RFC1: variants seen among roughly 807,000 people sequenced by gnomAD.
RFC1 encodes replication factor C subunit 1.
RFC1 carries 37 observed loss-of-function variants against 137.4 expected under a neutral mutation model. The observed-to-expected ratio is 0.27, with a 90% CI of 0.21 to 0.35. RFC1 has a LOEUF of 0.35. RFC1 is among the 10% of genes least tolerant of loss of function. RFC1 has a pLI of 1.00. For missense variants in RFC1, 1,205 were observed against 1,358.5 expected (o/e 0.89, Z 1.78); for synonymous variants, 429 against 455.7 (o/e 0.94, Z 0.75).
rs546282665 is a variant in RFC1, at chr4:39,306,215, A to G, written c.1995+377T>C. Among the ~76,000 whole-genome samples the G allele has an allele frequency of 5.3e-5, 8 of 152,306 alleles. No homozygotes were observed. The East Asian group carries it at 1.3e-3, about 26-fold the overall frequency. On this transcript the variant is annotated intron_variant, in intron 14 of 24. Transcript: ENST00000349703. Reference sequence around the variant, plus strand: ...CTCCTCCCTAAGCCTATTTCATTTGACACATGTGGATGATGACAGTACAGA... The same window carrying G: ...CTCCTCCCTAAGCCTATTTCATTTGGCACATGTGGATGATGACAGTACAGA...
chr4:39,360,115 C>T lies in RFC1; in HGVS notation c.3+6124G>A, dbSNP rs1429800216. 2.6e-5 allele frequency among the ~76,000 whole-genome samples: 4 copies of T among 152,294 alleles called. No individual in the cohort carries two copies. The East Asian group carries it at 7.7e-4, about 29-fold the overall frequency. ...GGTGCAGTGGCTGACACCTTAACTG[C>T]AGCACTTTGGGAGGCCAAGGTGAGT... On this transcript the variant is annotated intron_variant, in intron 1 of 24. Transcript: ENST00000349703.
chr4:39,295,651 G>A lies in RFC1; in HGVS notation c.2917C>T (p.Arg973Cys), dbSNP rs867900340. The A allele has an allele frequency of 6.2e-7, 1 of 1,613,144 alleles. No homozygotes were observed. Among genetic ancestry groups the A allele is most frequent in the Non-Finnish European group, 8.5e-7 (1 of 1,179,554 alleles). The change falls in exon 22 of 25, where the codon CGT becomes TGT. Residue 973 changes from arginine to cysteine, a missense_variant. Physicochemically the swap from Arg to Cys is radical, Grantham distance 180 (BLOSUM62 -3). Transcript: ENST00000349703. The stretch of plus-strand genomic sequence containing the variant: ...TGCAAGGCCAGGTCCTGAACAATAC[G>A]ATCATGTTTGCCTGTAGACGAGTGC... Reference protein sequence around the residue: ...GKHSSTGKHDRIVQDLALHMS... With the variant: ...GKHSSTGKHDCIVQDLALHMS...
chr4:39,320,298 G>A (rs1158718382), intron 9 of RFC1, 85 bp downstream of exon 9: 115 of 1,252,524 alleles, frequency 9.2e-5, no homozygotes, highest in Admixed American at 1.4e-4. Flanking sequence ...GCAGTGAGCC[G>A]AGATTGTGCC....
chr4:39,351,008 T>C (rs1165028317), intron 2 of RFC1, among the ~76,000 whole-genome samples: 3 of 152,066 alleles, frequency 2.0e-5, no homozygotes, highest in South Asian at 4.2e-4. Flanking sequence ...CTCAGCACTT[T>C]GGGAGGCCAA....
intron 12 of RFC1, among the ~76,000 whole-genome samples, chr4:39,311,055 C>T (rs1738938331): frequency 6.6e-6 from 1 of 151,946 alleles, no homozygotes; most frequent in African/African-American, 2.4e-5. Flanking sequence ...GCAGGAGAAT[C>T]GCTTGAACCC....
intron 23 of RFC1, 38 bp from the exon 24 acceptor site, chr4:39,290,077 A>G: frequency 6.9e-7 from 1 of 1,456,386 alleles, no homozygotes; most frequent in Non-Finnish European, 9.5e-7. Context: ...TAAAAATCTA[A>G]GTCCCAAACA....
At chr4:39,360,616 T>G (rs1472464568) in intron 1 of RFC1, among the ~76,000 whole-genome samples, 1 of 152,002 alleles carries the variant, frequency 6.6e-6, no homozygotes, top group Non-Finnish European at 1.5e-5. Context: ...GCACCTGCAG[T>G]CCCAGCTACT....
intron 20 of RFC1, 23 bp downstream of exon 20, chr4:39,300,236 CT>C (rs1738276507): frequency 1.2e-6 from 2 of 1,613,846 alleles, no homozygotes; most frequent in Non-Finnish European, 1.7e-6. Flanking sequence ...CTAAGCACAC[CT>C]CTCACCAGCT....
At position 39,342,568 on chromosome 4, in the gene RFC1, T is replaced by C. The variant is rs994785876; in HGVS notation, c.209-101A>G. ...GTGAACCAATTCCTCAAGGTCTTTT[T>C]CAAGGCACATGTCTTCTGTGAATTC... On this transcript the variant is annotated intron_variant, in intron 3 of 24. Coordinates refer to ENST00000349703, the MANE Select transcript of RFC1 (RefSeq NM_002913.5). The C allele has an allele frequency of 7.9e-6, 9 of 1,133,614 alleles. No individual in the cohort carries two copies. In the African/African-American group the frequency reaches 1.2e-4, roughly 16 times the overall value. The allele number at this position is 1,133,614 out of a possible 1,614,324, so 70.2% of individuals were successfully genotyped here.
chr4:39,342,530 T>C lies in RFC1; in HGVS notation c.209-63A>G. ...GAACTATTATAATATAGTGCATGTTTAAAGTAGTCACGGTGAACCAATTCC... is the reference window on the plus strand; with the variant it reads ...GAACTATTATAATATAGTGCATGTTCAAAGTAGTCACGGTGAACCAATTCC... On this transcript the variant is annotated intron_variant, in intron 3 of 24. Coordinates refer to ENST00000349703, the MANE Select transcript of RFC1 (RefSeq NM_002913.5). 8 of 1,525,782 alleles carry C rather than the reference T, an allele frequency of 5.2e-6. No individual in the cohort carries two copies. In the South Asian group the frequency reaches 9.3e-5, roughly 18 times the overall value. 94.5% of individuals were successfully genotyped at this position (1,525,782 alleles called of 1,614,324 possible).
At chr4:39,296,800 T>C (rs1738035381) in intron 21 of RFC1, among the ~76,000 whole-genome samples, 1 of 149,144 alleles carries the variant, frequency 6.7e-6, no homozygotes. Flanking sequence ...ATGGTATTTC[T>C]AGTTCTAGAT....
At chr4:39,358,522 C>T (rs978746198) in intron 1 of RFC1, among the ~76,000 whole-genome samples, 13 of 152,140 alleles carry the variant, frequency 8.5e-5, no homozygotes, top group African/African-American at 2.4e-4. Context: ...CCGTGAGCCA[C>T]GCGCTATATG....
At chr4:39,344,244 T>C (rs1578158585) in intron 3 of RFC1, among the ~76,000 whole-genome samples, 1 of 152,140 alleles carries the variant, frequency 6.6e-6, no homozygotes, top group African/African-American at 2.4e-5. Flanking sequence ...TTGTGCATCA[T>C]AAAAGGCATG....
intron 14 of RFC1, 116 bp downstream of exon 14, chr4:39,306,476 T>G (rs1560595771): frequency 1.8e-6 from 1 of 562,672 alleles, no homozygotes. Flanking sequence ...AAACACAGTT[T>G]ATATATAGAC....
intron 1 of RFC1, among the ~76,000 whole-genome samples, chr4:39,357,177 ACT>A (rs1474260993): frequency 2.6e-5 from 4 of 152,216 alleles, no homozygotes; most frequent in Non-Finnish European, 5.9e-5. Flanking sequence ...AATAAAGCAC[ACT>A]GAGGGAACAG....
rs1452386091 is a variant in RFC1, at chr4:39,291,911, T to C, written c.2955-59A>G. 2.7e-5 allele frequency: 33 copies of C among 1,205,006 alleles called. No individual in the cohort carries two copies. In the East Asian group the frequency reaches 7.5e-4, roughly 27 times the overall value. 74.6% of individuals were successfully genotyped at this position (1,205,006 alleles called of 1,614,324 possible). ...CAAAGTATCAACTCAAGTCATACTG[T>C]GCATAACAGCACTGAGTTAATCAGG... On this transcript the variant is annotated intron_variant, in intron 22 of 24. Transcript: ENST00000349703.
chr4:39,307,142 T>C (rs7686272), intron 13 of RFC1, among the ~76,000 whole-genome samples: 6 of 152,082 alleles, frequency 3.9e-5, no homozygotes, highest in Non-Finnish European at 7.4e-5. Flanking sequence ...GCTAAGGATG[T>C]TGTGAGGACG....
At chr4:39,323,822 A>C (rs1578138425) in intron 6 of RFC1, among the ~76,000 whole-genome samples, 1 of 152,330 alleles carries the variant, frequency 6.6e-6, no homozygotes, top group Admixed American at 6.5e-5. Context: ...AAAAATAGTG[A>C]ATCTAAGAAT....
At chr4:39,358,591 T>C (rs1741597046) in intron 1 of RFC1, among the ~76,000 whole-genome samples, 1 of 152,150 alleles carries the variant, frequency 6.6e-6, no homozygotes, top group Non-Finnish European at 1.5e-5. Flanking sequence ...GTGAAGGAAG[T>C]TGTCAACACC....
Sources: gnomAD v4.1 joint callset for allele counts (sites outside exome capture counted in the v4.1 genomes callset) on GRCh38, gnomAD v4.1.1 for gene constraint, MANE v1.5 for transcripts, NCBI Gene and HGNC (gene_info 2026-07-23, HGNC 2026-07-21) for gene names.